Variants in PGM3 observed in about 807,000 individuals in gnomAD.
The protein encoded by PGM3 is phosphoacetylglucosamine mutase.
In PGM3, 40 loss-of-function variants were observed where a neutral mutation model predicts 66.2. That is an observed-to-expected ratio of 0.60 (90% CI 0.47 to 0.79). The LOEUF (loss-of-function observed/expected upper bound fraction) is 0.79, where lower values mean the gene tolerates loss of function less well. PGM3 is among the 30% of genes least tolerant of loss of function. The pLI, the probability that PGM3 is intolerant of heterozygous loss-of-function variation, is 0.00. For synonymous variants in PGM3, 191 were observed against 224.2 expected (o/e 0.85, Z 1.32); for missense variants, 537 against 643.4 (o/e 0.83, Z 1.79).
At chr6:83,163,611 C>T (rs1784748932), downstream of PGM3, among the ~76,000 whole-genome samples, 1 of 152,106 alleles carries the variant, frequency 6.6e-6, no homozygotes, top group African/African-American at 2.4e-5. Context: ...GAAATGTGTT[C>T]CTTATCCTGA....
Position 83,187,070 on chromosome 6 carries a change from C to G in PGM3, c.395G>C (p.Ser132Thr). 6.3e-7 allele frequency: 1 copy of G among 1,597,342 alleles called. No individual in the cohort carries two copies. The highest frequency in any genetic ancestry group is 2.2e-5 in the East Asian group (1 of 44,752). ...TACAGATTGTGAAAGTTTCTCACTG[C>G]TGGGCCTAGGAAAGAAAAGGAAGAA... ...FVVIGRDTRP[S>T]SEKLSQSVID... is the part of the protein sequence containing the mutation. The change falls in exon 4 of 13, where the codon AGC becomes ACC. Residue 132 changes from serine to threonine, a missense_variant. Physicochemically the swap from Ser to Thr is moderately conservative, Grantham distance 58. Transcript: ENST00000513973.
chr6:83,174,351 T>C, intron 10 of PGM3, 23 bp downstream of exon 10: 2 of 1,167,544 alleles, frequency 1.7e-6, no homozygotes, highest in South Asian at 1.2e-5. Flanking sequence ...TAACCAAGAG[T>C]CCACTGCCCC....
intron 10 of PGM3, among the ~76,000 whole-genome samples, chr6:83,172,417 T>C (rs1244703425): frequency 6.6e-6 from 1 of 151,550 alleles, no homozygotes; most frequent in African/African-American, 2.4e-5. Flanking sequence ...TGTCTCTTAA[T>C]AAAAAACAAA....
chr6:83,153,213 A>C, the PGM3 span, among the ~76,000 whole-genome samples: 4 of 152,150 alleles, frequency 2.6e-5, no homozygotes, highest in Admixed American at 2.6e-4. Context: ...TATAGTTTCT[A>C]GTACTAAATT....
In PGM3 at chr6:83,191,940, CAA is replaced by C. The variant is rs1347244199; in HGVS notation, c.-2-928_-2-927del. ...CGCCACTGCACTCCAGCCTGGGTGA[CAA>C]AGGGAGACTCGGTCTCAAAAAAAAA... is the stretch of plus-strand genomic sequence containing the variant. On this transcript the variant is annotated intron_variant, in intron 1 of 12. Coordinates refer to ENST00000513973, the MANE Select transcript of PGM3 (RefSeq NM_015599.3). 3.3e-3 allele frequency among the ~76,000 whole-genome samples: 259 copies of C among 79,526 alleles called. No homozygotes were observed. The Middle Eastern group carries it at 0.068, about 21-fold the overall frequency. The allele number at this position is 79,526 out of a possible 152,430, so 52.2% of individuals were successfully genotyped here.
chr6:83,169,455 G>A, intron 12 of PGM3, 132 bp from the exon 13 acceptor site: 1 of 1,076,286 alleles, frequency 9.3e-7, no homozygotes. Flanking sequence ...AAATTCTAAT[G>A]AAAACCTTTT....
intron 2 of PGM3, among the ~76,000 whole-genome samples, chr6:83,190,027 T>C (rs1237015191): frequency 1.3e-5 from 2 of 152,216 alleles, no homozygotes; most frequent in Non-Finnish European, 2.9e-5. Flanking sequence ...CTTGCAGTTA[T>C]AAGATGAATA....
chr6:83,161,816 C>T (rs878947871), downstream of PGM3, among the ~76,000 whole-genome samples: 6 of 152,164 alleles, frequency 3.9e-5, no homozygotes, highest in African/African-American at 1.4e-4. Context: ...AATTCTGCTA[C>T]ATCCAAGGAT....
chr6:83,159,734 T>C (rs975137650), downstream of PGM3: 1 of 1,585,946 alleles, frequency 6.3e-7, no homozygotes, highest in African/African-American at 1.3e-5. Context: ...CTTTTAGATC[T>C]TTCCAGGAAT....
rs751124939 is a variant in PGM3, at chr6:83,191,047, A to C, written c.-2-33T>G. ...ATTAAGAAATATTGTTTCGGGCATA[A>C]CAAGTAATTTCTTAAGAACCATTTG... is the stretch of plus-strand genomic sequence containing the variant. On this transcript the variant is annotated intron_variant, in intron 1 of 12. Transcript: ENST00000513973. The C allele has an allele frequency of 1.6e-5, 26 of 1,590,816 alleles. No individual in the cohort carries two copies. The East Asian group carries it at 5.8e-4, about 36-fold the overall frequency.
chr6:83,191,210 T>C, intron 1 of PGM3, 196 bp from the exon 2 acceptor site: 4 of 1,535,076 alleles, frequency 2.6e-6, no homozygotes, highest in Non-Finnish European at 3.5e-6. Flanking sequence ...TCCAACTTGG[T>C]ATGTCCACTC....
the PGM3 span, among the ~76,000 whole-genome samples, chr6:83,153,110 T>C: frequency 6.6e-6 from 1 of 152,136 alleles, no homozygotes; most frequent in Non-Finnish European, 1.5e-5. Flanking sequence ...CAAATAGCTG[T>C]TAATTGACAG....
Position 83,167,903 on chromosome 6 carries a change from G to C in PGM3, c.*1331C>G, listed in dbSNP as rs1786205392. 6.2e-7 allele frequency: 1 copy of C among 1,613,372 alleles called. No homozygotes were observed. The highest frequency in any genetic ancestry group is 8.5e-7 in the Non-Finnish European group (1 of 1,179,610). ...ACAACTCAGGGAGAACATTGGGTTGGGAGCCAGGGCACTTGCTGCTCACCA... is the reference window on the plus strand; with the variant it reads ...ACAACTCAGGGAGAACATTGGGTTGCGAGCCAGGGCACTTGCTGCTCACCA... On this transcript the variant is annotated 3_prime_UTR_variant, in exon 13 of 13. Transcript: ENST00000513973.
Position 83,175,962 on chromosome 6 carries a change from AGT to A in PGM3, c.1126_1127del (p.Thr376CysfsTer4). ...GVYFEANGHG[T>X]ALFSTAVEMK... Reference sequence around the variant, plus strand: ...GCCAACTATAATTAAGAGAACTTACAGTGCCATGCCCATTTGCTTCAAAATAA... The same window carrying A: ...GCCAACTATAATTAAGAGAACTTACAGCCATGCCCATTTGCTTCAAAATAA... On this transcript the variant is annotated frameshift_variant and splice_region_variant, in exon 9 of 13. Transcript: ENST00000513973. LOFTEE classifies it high-confidence loss of function. The A allele has an allele frequency of 6.3e-7, 1 of 1,579,110 alleles. No homozygotes were observed. The highest frequency in any genetic ancestry group is 1.1e-5 in the South Asian group (1 of 90,344).
At chr6:83,152,845 T>C in the PGM3 span, among the ~76,000 whole-genome samples, 2 of 152,106 alleles carry the variant, frequency 1.3e-5, no homozygotes, top group African/African-American at 4.8e-5. Flanking sequence ...CTCGAACTCC[T>C]GACCTCAGGT....
downstream of PGM3, chr6:83,159,840 G>C: frequency 6.2e-7 from 1 of 1,614,154 alleles, no homozygotes; most frequent in Non-Finnish European, 8.5e-7. Context: ...ACGTACACAG[G>C]AGGTAATGGC....
Position 83,172,036 on chromosome 6 carries a change from G to T in PGM3, c.1266C>A (p.Asp422Glu), listed in dbSNP as rs111828320. 6.2e-7 allele frequency: 1 copy of T among 1,613,910 alleles called. No homozygotes were observed. Among genetic ancestry groups the T allele is most frequent in the East Asian group, 2.2e-5 (1 of 44,864 alleles). The change falls in exon 11 of 13, where the codon GAC becomes GAA. Residue 422 changes from aspartate to glutamate, a missense_variant. Transcript: ENST00000513973. ...FNQAAGDAISDMLVIEAILAL... is the reference protein window; with the variant it reads ...FNQAAGDAISEMLVIEAILAL... ...CCAAGATTGCTTCAATCACCAGCAT[G>T]TCAGAAATAGCATCACCAGCTGCCT...
the PGM3 span, chr6:83,155,942 C>T: frequency 1.2e-6 from 2 of 1,602,832 alleles, no homozygotes; most frequent in Non-Finnish European, 1.7e-6. Flanking sequence ...CTTTCACTTG[C>T]TTTTTCAGCT....
At chr6:83,160,730 G>T (rs955215030), downstream of PGM3, among the ~76,000 whole-genome samples, 1 of 151,968 alleles carries the variant, frequency 6.6e-6, no homozygotes, top group African/African-American at 2.4e-5. Flanking sequence ...TGTAGTTAAG[G>T]TAATATGAGA....
Sources: allele counts gnomAD v4.1 joint callset (sites outside exome capture counted in the v4.1 genomes callset), GRCh38; gene constraint gnomAD v4.1.1; transcripts MANE v1.5; gene names NCBI Gene and HGNC (gene_info 2026-07-23, HGNC 2026-07-21).